ZNF471: variants seen among roughly 807,000 people sequenced by gnomAD.
ZNF471 encodes zinc finger protein 471, also known as EZFIT-related protein 1.
ZNF471 carries 7 observed loss-of-function variants against 13.7 expected under a neutral mutation model. The ratio of observed to expected loss-of-function variants is 0.51; its 90% CI spans 0.29 to 0.96. The LOEUF (loss-of-function observed/expected upper bound fraction) is 0.96, where lower values mean the gene tolerates loss of function less well. Ranked by LOEUF, ZNF471 falls within the 40% of genes least tolerant of loss-of-function variation. The pLI, the probability that ZNF471 is intolerant of heterozygous loss-of-function variation, is 0.08. For missense variants in ZNF471, 663 were observed against 743.3 expected, an observed-to-expected ratio of 0.89 and a Z score of 1.26; for synonymous variants, 218 against 235.6, an observed-to-expected ratio of 0.93 and a Z score of 0.68.
rs1165349509 is a variant in ZNF471, at chr19:56,530,200, A to G, written c.*4252A>G. On this transcript the variant is annotated 3_prime_UTR_variant, in exon 5 of 5. Coordinates refer to ENST00000308031, the MANE Select transcript of ZNF471 (RefSeq NM_020813.4). The stretch of plus-strand genomic sequence containing the variant: ...TCGTTATTAACTACATAAACTTTAT[A>G]AAGCTTAAAAAATGCATTCATAGTA... The G allele has an allele frequency of 6.6e-6, 1 of 151,414 alleles. No individual in the cohort carries two copies. The highest frequency in any genetic ancestry group is 1.5e-5 in the Non-Finnish European group (1 of 67,864). The allele number at this position is 151,414 out of a possible 1,614,324, so 9.4% of individuals were successfully genotyped here.
In ZNF471 at chr19:56,510,850, T is replaced by C. The variant is rs772708385; in HGVS notation, c.-55-667T>C. On this transcript the variant is annotated intron_variant, in intron 1 of 4. Coordinates refer to ENST00000308031, the MANE Select transcript of ZNF471 (RefSeq NM_020813.4). This position sits in a 1 kb window ranked among gnomAD's most constrained non-coding sequence, Gnocchi z 4.3. Reference sequence around the variant, plus strand: ...CAGTAAGAAGCAAAGCTGGGGTGACTGAAGCTCCTAACTGAAGCAGGAGAC... The same window carrying C: ...CAGTAAGAAGCAAAGCTGGGGTGACCGAAGCTCCTAACTGAAGCAGGAGAC... The C allele has an allele frequency of 2.0e-6, 2 of 985,276 alleles. No individual in the cohort carries two copies. The highest frequency in any genetic ancestry group is 2.4e-6 in the Non-Finnish European group (2 of 829,956). The allele number at this position is 985,276 out of a possible 1,614,324, so 61.0% of individuals were successfully genotyped here. A position where few individuals can be genotyped will look rare whatever the true frequency, so the allele number is the denominator to read the frequency against.
In ZNF471 at chr19:56,508,059, C is replaced by G. The variant is rs1251945056; in HGVS notation, c.-56+139C>G. On this transcript the variant is annotated intron_variant, in intron 1 of 4. Coordinates refer to ENST00000308031, the MANE Select transcript of ZNF471 (RefSeq NM_020813.4). The surrounding 1 kb of genome is among the most constrained non-coding windows in gnomAD (Gnocchi z 4.7). ...GACGACTACATTTCCCAGAGGCCAG[C>G]GGGGCGCGCGTACTCGAGTCTGCGG... 2 of 985,818 alleles carry G rather than the reference C, an allele frequency of 2.0e-6. No homozygotes were observed. The highest frequency in any genetic ancestry group is 2.4e-6 in the Non-Finnish European group (2 of 830,220). The allele number at this position is 985,818 out of a possible 1,614,324, so 61.1% of individuals were successfully genotyped here. A position where few individuals can be genotyped will look rare whatever the true frequency, so the allele number is the denominator to read the frequency against.
rs770203869 is a variant in ZNF471 at position 56,524,745 on chromosome 19, A to T, written c.678A>T (p.Arg226Ser). ...GCTCATCCCTTACTGTTCATTTTAG[A>T]ATTCATACTGGTGAAAAACCATATG... is the stretch of plus-strand genomic sequence containing the variant. Reference protein sequence around the residue: ...THSSSLTVHFRIHTGEKPYAC... With the variant: ...THSSSLTVHFSIHTGEKPYAC... The change falls in exon 5 of 5, where the codon AGA becomes AGT. Residue 226 changes from arginine to serine, a missense_variant. By Grantham distance (110) the Arg-to-Ser change is moderately radical. Transcript: ENST00000308031. This position sits in a 1 kb window ranked among gnomAD's most constrained non-coding sequence, Gnocchi z 4.8. The T allele has an allele frequency of 6.2e-7, 1 of 1,606,252 alleles. No individual in the cohort carries two copies.
chr19:56,517,802 G>A (rs1273999504), intron 3 of ZNF471, among the ~76,000 whole-genome samples: 1 of 152,120 alleles, frequency 6.6e-6, no homozygotes, highest in Non-Finnish European at 1.5e-5. Flanking sequence ...TACCCTCAAT[G>A]TTTGGTTAGG....
Position 56,508,740 on chromosome 19 carries a change from T to C in ZNF471, c.-56+820T>C, listed in dbSNP as rs2043769472. Among the ~76,000 whole-genome samples, 1 of 151,678 alleles carries C rather than the reference T, an allele frequency of 6.6e-6. No homozygotes were observed. Among genetic ancestry groups the C allele is most frequent in the Admixed American group, 6.6e-5 (1 of 15,252 alleles). Reference sequence around the variant, plus strand: ...CCCGTCAGTGTGTGAGGCCGTGTTATGTGTGTCTGACAGACTGAGAGAGAC... The same window carrying C: ...CCCGTCAGTGTGTGAGGCCGTGTTACGTGTGTCTGACAGACTGAGAGAGAC... On this transcript the variant is annotated intron_variant, in intron 1 of 4. Coordinates refer to ENST00000308031, the MANE Select transcript of ZNF471 (RefSeq NM_020813.4). The surrounding 1 kb of genome is among the most constrained non-coding windows in gnomAD (Gnocchi z 4.7).
rs1237866158 is a variant in ZNF471, at chr19:56,508,087, C to T, written c.-56+167C>T. ...GGCGCGCGTACTCGAGTCTGCGGGG[C>T]GGAGGCCGCGGCTCGGGGCTGCTGG... is the stretch of plus-strand genomic sequence containing the variant. On this transcript the variant is annotated intron_variant, in intron 1 of 4. Coordinates refer to ENST00000308031, the MANE Select transcript of ZNF471 (RefSeq NM_020813.4). This position sits in a 1 kb window ranked among gnomAD's most constrained non-coding sequence, Gnocchi z 4.7. 1 of 984,836 alleles carries T rather than the reference C, an allele frequency of 1.0e-6. No individual in the cohort carries two copies. Among genetic ancestry groups the T allele is most frequent in the Admixed American group, 6.1e-5 (1 of 16,272 alleles). The allele number at this position is 984,836 out of a possible 1,614,324, so 61.0% of individuals were successfully genotyped here.
intron 4 of ZNF471, among the ~76,000 whole-genome samples, chr19:56,521,021 G>C (rs2043963390): frequency 6.6e-6 from 1 of 152,202 alleles, no homozygotes; most frequent in African/African-American, 2.4e-5. Flanking sequence ...TTACATGGTG[G>C]CAGTCAGGAG....
rs1211852048 is a variant in ZNF471 at position 56,522,517 on chromosome 19, A to AT, written c.257-1807_257-1806insT. Among the ~76,000 whole-genome samples, 1 of 152,180 alleles carries AT rather than the reference A, an allele frequency of 6.6e-6. No homozygotes were observed. The highest frequency in any genetic ancestry group is 1.5e-5 in the Non-Finnish European group (1 of 68,014). On this transcript the variant is annotated intron_variant, in intron 4 of 4. Coordinates refer to ENST00000308031, the MANE Select transcript of ZNF471 (RefSeq NM_020813.4). The surrounding 1 kb of genome is among the most constrained non-coding windows in gnomAD (Gnocchi z 4.1). ...CACAAATGCTTAGTGCATAATGTAT[A>AT]ATTGCTTAGGAAATATTGGATTAGT...
chr19:56,524,267 C>A lies in ZNF471; in HGVS notation c.257-57C>A. 1 of 1,178,610 alleles carries A rather than the reference C, an allele frequency of 8.5e-7. No individual in the cohort carries two copies. The highest frequency in any genetic ancestry group is 1.2e-6 in the Non-Finnish European group (1 of 848,684). The allele number at this position is 1,178,610 out of a possible 1,614,324, so 73.0% of individuals were successfully genotyped here. A position where few individuals can be genotyped will look rare whatever the true frequency, so the allele number is the denominator to read the frequency against. The stretch of plus-strand genomic sequence containing the variant: ...TTTTAAATTACCTTTTTCACAATGT[C>A]TCCTTTGTTGTAGCCCATGATAAAG... On this transcript the variant is annotated intron_variant, in intron 4 of 4. Transcript: ENST00000308031. The surrounding 1 kb of genome is among the most constrained non-coding windows in gnomAD (Gnocchi z 4.8).
chr19:56,510,198 TGA>T lies in ZNF471; in HGVS notation c.-55-1314_-55-1313del. The T allele has an allele frequency of 1.0e-6, 1 of 985,444 alleles. No homozygotes were observed. Among genetic ancestry groups the T allele is most frequent in the Non-Finnish European group, 1.2e-6 (1 of 829,990 alleles). The allele number at this position is 985,444 out of a possible 1,614,324, so 61.0% of individuals were successfully genotyped here. On this transcript the variant is annotated intron_variant, in intron 1 of 4. Transcript: ENST00000308031. This position sits in a 1 kb window ranked among gnomAD's most constrained non-coding sequence, Gnocchi z 4.3. ...TGCATGAGATAAAGCAGTTGGAATA[TGA>T]GAGATCAGAGTGTGTTTGTGTATCT...
At position 56,528,280 on chromosome 19, in the gene ZNF471, G is replaced by C. The variant is rs1340748591; in HGVS notation, c.*2332G>C. The C allele has an allele frequency of 1.3e-5, 2 of 152,136 alleles. No homozygotes were observed. Among genetic ancestry groups the C allele is most frequent in the Non-Finnish European group, 2.9e-5 (2 of 68,026 alleles). 9.4% of individuals were successfully genotyped at this position (152,136 alleles called of 1,614,324 possible). On this transcript the variant is annotated 3_prime_UTR_variant, in exon 5 of 5. Transcript: ENST00000308031. Reference sequence around the variant, plus strand: ...ATGTACATAAAGTGCTTAGCAAAATGACCAACTCATACTAAGTGCTTAGTA... The same window carrying C: ...ATGTACATAAAGTGCTTAGCAAAATCACCAACTCATACTAAGTGCTTAGTA...
rs930868749 is a variant in ZNF471, at chr19:56,508,756, T to G, written c.-56+836T>G. On this transcript the variant is annotated intron_variant, in intron 1 of 4. Coordinates refer to ENST00000308031, the MANE Select transcript of ZNF471 (RefSeq NM_020813.4). This position sits in a 1 kb window ranked among gnomAD's most constrained non-coding sequence, Gnocchi z 4.7. Reference sequence around the variant, plus strand: ...GCCGTGTTATGTGTGTCTGACAGACTGAGAGAGACCAGAGTGTGAGACCAG... The same window carrying G: ...GCCGTGTTATGTGTGTCTGACAGACGGAGAGAGACCAGAGTGTGAGACCAG... Among the ~76,000 whole-genome samples the G allele has an allele frequency of 6.8e-6, 1 of 146,228 alleles. No individual in the cohort carries two copies. The highest frequency in any genetic ancestry group is 2.7e-5 in the African/African-American group (1 of 37,136).
At chr19:56,519,810 T>G (rs959943912) in intron 4 of ZNF471, among the ~76,000 whole-genome samples, 1 of 152,220 alleles carries the variant, frequency 6.6e-6, no homozygotes, top group African/African-American at 2.4e-5. Flanking sequence ...GTAAACAATT[T>G]ATATGTTTTA....
At position 56,529,423 on chromosome 19, in the gene ZNF471, G is replaced by A. The variant is rs1365035843; in HGVS notation, c.*3475G>A. On this transcript the variant is annotated 3_prime_UTR_variant, in exon 5 of 5. Transcript: ENST00000308031. ...TATTTCTGTGCCTTTAGGTTCAGGA[G>A]GTCTTTGATAAGCAGGACAAGGTCC... 1 of 152,180 alleles carries A rather than the reference G, an allele frequency of 6.6e-6. No homozygotes were observed. Among genetic ancestry groups the A allele is most frequent in the African/African-American group, 2.4e-5 (1 of 41,434 alleles). 9.4% of individuals were successfully genotyped at this position (152,180 alleles called of 1,614,324 possible).
chr19:56,525,424 C>T lies in ZNF471; in HGVS notation c.1357C>T (p.His453Tyr). 2.5e-6 allele frequency: 4 copies of T among 1,614,168 alleles called. No individual in the cohort carries two copies. Among genetic ancestry groups the T allele is most frequent in the Non-Finnish European group, 3.4e-6 (4 of 1,180,034 alleles). ...ATCACTCACTCAGCATCAAAGAGTACATTCTGGAGAGAAACCGTATGAATG... is the reference window on the plus strand; with the variant it reads ...ATCACTCACTCAGCATCAAAGAGTATATTCTGGAGAGAAACCGTATGAATG... ...HASLTQHQRV[H>Y]SGEKPYECKE... The change falls in exon 5 of 5, where the codon CAT becomes TAT. Residue 453 changes from histidine (H) to tyrosine (Y), a missense_variant. Coordinates refer to ENST00000308031, the MANE Select transcript of ZNF471 (RefSeq NM_020813.4).
chr19:56,521,986 A>G (rs912245316), intron 4 of ZNF471, among the ~76,000 whole-genome samples: 8 of 152,102 alleles, frequency 5.3e-5, no homozygotes, highest in Non-Finnish European at 1.0e-4. Context: ...ATTTTACTGT[A>G]CCTTCTTTAT....
chr19:56,523,825 G>GT (rs760647246), intron 4 of ZNF471, among the ~76,000 whole-genome samples: 14 of 151,930 alleles, frequency 9.2e-5, no homozygotes, highest in Non-Finnish European at 1.5e-4. Context: ...TTTGTTTTTT[G>GT]TTTTTGTTTT....
intron 3 of ZNF471, among the ~76,000 whole-genome samples, chr19:56,518,232 C>T (rs1347204337): frequency 6.6e-6 from 1 of 152,108 alleles, no homozygotes; most frequent in Non-Finnish European, 1.5e-5. Flanking sequence ...TCATTTACTA[C>T]TGTGTGATAA....
Position 56,525,924 on chromosome 19 carries a change from A to G in ZNF471, c.1857A>G (p.Arg619=). The part of the protein sequence containing the change: ...RRKLSLICHQ[R]SHTGEEP The stretch of plus-strand genomic sequence containing the variant: ...AGTTATCCTTAATTTGTCATCAAAG[A>G]AGTCATACTGGAGAAGAACCTTAAG... The change falls in exon 5 of 5, where the codon AGA becomes AGG. Residue 619 remains arginine (R), a synonymous_variant. Coordinates refer to ENST00000308031, the MANE Select transcript of ZNF471 (RefSeq NM_020813.4). 1.3e-6 allele frequency: 2 copies of G among 1,570,500 alleles called. No homozygotes were observed. The highest frequency in any genetic ancestry group is 1.7e-6 in the Non-Finnish European group (2 of 1,161,994).
Sources: gnomAD v4.1 joint callset for allele counts (sites outside exome capture counted in the v4.1 genomes callset) on GRCh38, gnomAD v4.1.1 for gene constraint, Gnocchi (gnomAD v3.1) non-coding constraint, MANE v1.5 for transcripts, NCBI Gene and HGNC (gene_info 2026-07-23, HGNC 2026-07-21) for gene names.